HTR1E: variants seen among roughly 807,000 people sequenced by gnomAD.
HTR1E encodes 5-hydroxytryptamine receptor 1E.
Under a neutral mutation model 3.4 loss-of-function variants are expected in HTR1E, and 3 were observed. The ratio of observed to expected loss-of-function variants is 0.89; its 90% confidence interval spans 0.41 to 2.31. HTR1E has a LOEUF of 2.31. Among genes scored for constraint, HTR1E ranks in the 30% most tolerant of loss-of-function variants. HTR1E has a pLI of 0.05. For missense variants in HTR1E, 392 were observed against 467.0 expected (o/e 0.84, Z 1.48); for synonymous variants, 170 against 182.8 (o/e 0.93, Z 0.56).
intron 1 of HTR1E, among the ~76,000 whole-genome samples, chr6:87,006,637 C>T (rs1405433520): frequency 6.6e-6 from 1 of 152,154 alleles, no homozygotes; most frequent in Admixed American, 6.5e-5. Flanking sequence ...ATGTTCACTG[C>T]AGCACTATTC....
At chr6:86,958,937 CGTGTGTGTGTGTGTGTGTGTGT>C (rs55871033) in intron 1 of HTR1E, among the ~76,000 whole-genome samples, 1,789 of 140,076 alleles carry the variant, frequency 0.013, 36 homozygotes, top group African/African-American at 0.045. Flanking sequence ...ACCAATTGCA[CGTGTGTGTGTGTGTGTGTGTGT>C]GTGTGTGTGT....
At chr6:86,984,587 C>A (rs1053664800) in intron 1 of HTR1E, among the ~76,000 whole-genome samples, 1 of 152,158 alleles carries the variant, frequency 6.6e-6, no homozygotes, top group African/African-American at 2.4e-5. Flanking sequence ...AGTACTGTAA[C>A]AAATAAACCC....
At chr6:87,000,408 C>T (rs1768003815) in intron 1 of HTR1E, 1 of 152,146 alleles carries the variant, frequency 6.6e-6, no homozygotes, top group African/African-American at 2.4e-5. Context: ...GACGATTAAA[C>T]ACCAAGCAGG....
intron 1 of HTR1E, among the ~76,000 whole-genome samples, chr6:86,980,861 G>C (rs1165203719): frequency 6.6e-6 from 1 of 152,068 alleles, no homozygotes; most frequent in Non-Finnish European, 1.5e-5. Flanking sequence ...GAGTTGTTAT[G>C]AACCTAAACT....
intron 1 of HTR1E, among the ~76,000 whole-genome samples, chr6:86,948,920 G>A (rs1175053751): frequency 6.6e-6 from 1 of 152,102 alleles, no homozygotes; most frequent in Non-Finnish European, 1.5e-5. Flanking sequence ...TTTACATGGA[G>A]GAAGGAAGAG....
At chr6:86,962,632 G>A (rs993932459) in intron 1 of HTR1E, among the ~76,000 whole-genome samples, 4 of 152,168 alleles carry the variant, frequency 2.6e-5, no homozygotes, top group Non-Finnish European at 5.9e-5. Context: ...GAGGCCAGGA[G>A]TCTGAGACCA....
intron 1 of HTR1E, among the ~76,000 whole-genome samples, chr6:87,004,670 T>G (rs1768076563): frequency 6.6e-6 from 1 of 152,166 alleles, no homozygotes; most frequent in Admixed American, 6.5e-5. Flanking sequence ...GTCTTTCCTC[T>G]AAGATCTTGA....
At chr6:86,995,048 G>A (rs565484635) in intron 1 of HTR1E, among the ~76,000 whole-genome samples, 2 of 152,138 alleles carry the variant, frequency 1.3e-5, no homozygotes, top group South Asian at 2.1e-4. Context: ...ACCCACAGGA[G>A]CTGAGAGAAA....
intron 1 of HTR1E, among the ~76,000 whole-genome samples, chr6:86,963,246 T>C (rs549387949): frequency 6.6e-5 from 10 of 152,242 alleles, no homozygotes; most frequent in Non-Finnish European, 1.5e-4. Context: ...AAAAAGCTTA[T>C]AAAATAAGGA....
chr6:86,969,985 C>G (rs917560897), intron 1 of HTR1E, among the ~76,000 whole-genome samples: 3 of 152,210 alleles, frequency 2.0e-5, no homozygotes, highest in Admixed American at 2.0e-4. Context: ...GGAAAGCCAT[C>G]TGAAGCCCTG....
At position 87,016,270 on chromosome 6, in the gene HTR1E, G is replaced by A. The variant is rs113308093; in HGVS notation, c.936G>A (p.Leu312=). 14 of 1,613,476 alleles carry A rather than the reference G, an allele frequency of 8.7e-6. No homozygotes were observed. Among genetic ancestry groups the A allele is most frequent in the African/African-American group, 8.0e-5 (6 of 74,824 alleles). The change falls in exon 2 of 2, where the codon TTG becomes TTA. Residue 312 remains leucine (L), a synonymous_variant. Coordinates refer to ENST00000305344, the MANE Select transcript of HTR1E (RefSeq NM_000865.3). Reference sequence around the variant, plus strand: ...GGCTGCCATTTTTCATCAAAGAGTTGATTGTGGGTCTGAGCATCTACACCG... The same window carrying A: ...GGCTGCCATTTTTCATCAAAGAGTTAATTGTGGGTCTGAGCATCTACACCG... ...LSWLPFFIKE[L]IVGLSIYTVS...
chr6:87,008,403 A>G (rs1306084623), intron 1 of HTR1E, among the ~76,000 whole-genome samples: 1 of 152,232 alleles, frequency 6.6e-6, no homozygotes, highest in African/African-American at 2.4e-5. Context: ...TAATAAAAAA[A>G]AGAAGAAATT....
chr6:87,012,942 C>T (rs545689608), intron 1 of HTR1E, among the ~76,000 whole-genome samples: 80 of 152,278 alleles, frequency 5.3e-4, no homozygotes, highest in Non-Finnish European at 9.0e-4. Context: ...TCTCCAAAAC[C>T]GCTGACTCAG....
At chr6:86,991,633 C>T (rs1356627982) in intron 1 of HTR1E, among the ~76,000 whole-genome samples, 1 of 152,044 alleles carries the variant, frequency 6.6e-6, no homozygotes, top group Non-Finnish European at 1.5e-5. Context: ...TGACAACAAG[C>T]TGTAGAATAA....
intron 1 of HTR1E, among the ~76,000 whole-genome samples, chr6:86,964,535 C>A (rs1767448839): frequency 8.4e-6 from 1 of 119,500 alleles, no homozygotes; most frequent in Non-Finnish European, 1.8e-5. Context: ...TAAATTCTTT[C>A]TCTCTTTCTC....
intron 1 of HTR1E, among the ~76,000 whole-genome samples, chr6:87,014,715 A>G (rs1768290966): frequency 6.6e-6 from 1 of 152,138 alleles, no homozygotes; most frequent in Non-Finnish European, 1.5e-5. Context: ...CAGAAAACCA[A>G]ACACCACATG....
At chr6:87,006,405 T>C (rs1402666102) in intron 1 of HTR1E, among the ~76,000 whole-genome samples, 2 of 152,148 alleles carry the variant, frequency 1.3e-5, no homozygotes, top group Admixed American at 6.6e-5. Flanking sequence ...GAACAGTGAT[T>C]ATTAAAAAGT....
intron 1 of HTR1E, among the ~76,000 whole-genome samples, chr6:87,013,511 A>G (rs958684328): frequency 1.3e-5 from 2 of 152,176 alleles, no homozygotes; most frequent in Non-Finnish European, 2.9e-5. Context: ...AACTTTCCAA[A>G]GTGCTGGGAT....
intron 1 of HTR1E, among the ~76,000 whole-genome samples, chr6:86,986,833 G>T (rs534893219): frequency 5.3e-5 from 8 of 152,222 alleles, no homozygotes; most frequent in Admixed American, 3.9e-4. Context: ...TTCTAGAAGG[G>T]ATTGTAGTTA....
Sources: allele counts gnomAD v4.1 joint callset (sites outside exome capture counted in the v4.1 genomes callset), GRCh38; gene constraint gnomAD v4.1.1; transcripts MANE v1.5; gene names NCBI Gene and HGNC (gene_info 2026-07-23, HGNC 2026-07-21).